Variants in TYW1 observed in about 807,000 individuals in gnomAD.
TYW1 encodes the protein S-adenosyl-L-methionine-dependent tRNA 4-demethylwyosine synthase TYW1.
In TYW1, 46 loss-of-function variants were observed where a neutral mutation model predicts 96.2. The ratio of observed to expected loss-of-function variants is 0.48; its 90% CI spans 0.38 to 0.61. The LOEUF is 0.61. TYW1 is among the 20% of genes least tolerant of loss of function. TYW1 has a pLI of 0.00. For synonymous variants in TYW1, 274 were observed against 323.0 expected (o/e 0.85, Z 1.63); for missense variants, 684 against 909.6 (o/e 0.75, Z 3.19).
At chr7:67,174,631 A>G (rs2860620) in intron 13 of TYW1, among the ~76,000 whole-genome samples, 115 of 152,242 alleles carry the variant, frequency 7.6e-4, no homozygotes, top group Non-Finnish European at 1.4e-3. Flanking sequence ...CAGAGCAGTA[A>G]ATTAAACATA....
intron 15 of TYW1, among the ~76,000 whole-genome samples, chr7:67,197,989 G>A (rs10264148): frequency 0.22 from 25,760 of 114,732 alleles, 2,985 homozygotes; most frequent in Middle Eastern, 0.31. Context: ...ACACGTGCAC[G>A]CATCGTCTTT....
At chr7:67,049,826 C>G in intron 7 of TYW1, 123 bp from the exon 8 acceptor site, 2 of 1,182,200 alleles carry the variant, frequency 1.7e-6, no homozygotes, top group Middle Eastern at 2.0e-4. Context: ...GGATTACAGG[C>G]GTGAGCCACC....
intron 13 of TYW1, among the ~76,000 whole-genome samples, chr7:67,135,174 G>A (rs981859302): frequency 6.7e-6 from 1 of 150,306 alleles, no homozygotes; most frequent in African/African-American, 2.5e-5. Flanking sequence ...GAGAGAGAGA[G>A]AGAGGAAGTT....
rs1228302566 is a variant in TYW1, at chr7:67,067,183, A to G, written c.1156-102A>G. On this transcript the variant is annotated intron_variant, in intron 9 of 15. Transcript: ENST00000359626. The stretch of plus-strand genomic sequence containing the variant: ...CATGCAGTTACCAGTAGGAGTATTC[A>G]TGGTTACGAAACACATGGTTTCTCT... The G allele has an allele frequency of 3.2e-5, 42 of 1,309,960 alleles. No homozygotes were observed. The East Asian group carries it at 3.7e-4, about 11-fold the overall frequency. The allele number at this position is 1,309,960 out of a possible 1,614,324, so 81.1% of individuals were successfully genotyped here. A position where few individuals can be genotyped will look rare whatever the true frequency, so the allele number is the denominator to read the frequency against.
intron 12 of TYW1, among the ~76,000 whole-genome samples, chr7:67,113,940 G>T (rs1377813579): frequency 6.6e-6 from 1 of 151,872 alleles, no homozygotes; most frequent in Non-Finnish European, 1.5e-5. Context: ...TGCCCGGCAT[G>T]ATGCTTATTC....
At chr7:67,066,980 A>G (rs568112934) in intron 9 of TYW1, among the ~76,000 whole-genome samples, 1 of 152,324 alleles carries the variant, frequency 6.6e-6, no homozygotes, top group South Asian at 2.1e-4. Flanking sequence ...TCCTAGCATT[A>G]TATATTATTG....
At chr7:67,203,144 TC>T (rs1800656243) in intron 15 of TYW1, among the ~76,000 whole-genome samples, 1 of 152,192 alleles carries the variant, frequency 6.6e-6, no homozygotes, top group Non-Finnish European at 1.5e-5. Context: ...ATACCAACTA[TC>T]CCTAGCCTCT....
chr7:67,108,547 T>C (rs948743792), intron 12 of TYW1, among the ~76,000 whole-genome samples: 1 of 151,632 alleles, frequency 6.6e-6, no homozygotes. Context: ...GTTCAAGTGA[T>C]TCTCCCACCT....
rs35830565 is a variant in TYW1, at chr7:67,125,391, A to AT, written c.1698+7784dup. Among the ~76,000 whole-genome samples, 159 of 147,264 alleles carry AT rather than the reference A, an allele frequency of 1.1e-3. 1 individual carries two copies. The highest frequency in any genetic ancestry group is 1.1e-3 in the Non-Finnish European group (71 of 66,550). ...GTATTGCATAAGGTAGGGGGTCTGG[A>AT]TTTTTTTTTTTAATGGACTTTATAT... On this transcript the variant is annotated intron_variant, in intron 13 of 15. Coordinates refer to ENST00000359626, the MANE Select transcript of TYW1 (RefSeq NM_018264.4).
At chr7:67,049,528 A>AT (rs1795293936) in intron 7 of TYW1, among the ~76,000 whole-genome samples, 1 of 151,772 alleles carries the variant, frequency 6.6e-6, no homozygotes, top group Admixed American at 6.6e-5. Flanking sequence ...CCTTTTTAAA[A>AT]ATTTTTTTTT....
At chr7:67,006,193 T>C (rs1353469125) in intron 3 of TYW1, among the ~76,000 whole-genome samples, 2 of 152,142 alleles carry the variant, frequency 1.3e-5, no homozygotes, top group Admixed American at 6.6e-5. Context: ...TCCCTTGTAC[T>C]GTCCTCGTGA....
chr7:67,069,308 A>T (rs1795963196), intron 10 of TYW1, among the ~76,000 whole-genome samples: 1 of 152,242 alleles, frequency 6.6e-6, no homozygotes, highest in Admixed American at 6.5e-5. Context: ...GCCCATAAAC[A>T]GCTCTGTCCC....
chr7:67,054,384 G>A (rs1254470413), intron 8 of TYW1, among the ~76,000 whole-genome samples: 1 of 152,212 alleles, frequency 6.6e-6, no homozygotes, highest in East Asian at 1.9e-4. Flanking sequence ...AGTATGAACA[G>A]TATAATATGG....
At chr7:67,122,431 C>A (rs1797786874) in intron 13 of TYW1, among the ~76,000 whole-genome samples, 1 of 152,058 alleles carries the variant, frequency 6.6e-6, no homozygotes, top group African/African-American at 2.4e-5. Flanking sequence ...TCACATTTGG[C>A]CTTATATCAG....
At chr7:67,043,217 T>A (rs1307670849) in intron 7 of TYW1, among the ~76,000 whole-genome samples, 2 of 152,156 alleles carry the variant, frequency 1.3e-5, no homozygotes, top group Non-Finnish European at 2.9e-5. Context: ...TCCTCTTGGC[T>A]GCTTCCCCAG....
intron 7 of TYW1, among the ~76,000 whole-genome samples, chr7:67,032,689 C>T (rs1794705976): frequency 6.6e-6 from 1 of 151,950 alleles, no homozygotes; most frequent in Non-Finnish European, 1.5e-5. Context: ...TTTGTGCTCA[C>T]TCTCCTAGTC....
At chr7:67,176,024 G>A (rs1454085943) in intron 13 of TYW1, among the ~76,000 whole-genome samples, 3 of 151,934 alleles carry the variant, frequency 2.0e-5, no homozygotes, top group Non-Finnish European at 2.9e-5. Flanking sequence ...GTAATTATTC[G>A]CTTTAATAAA....
Position 67,061,587 on chromosome 7 carries a change from T to C in TYW1, c.1156-5698T>C, listed in dbSNP as rs1461654285. 2.0e-5 allele frequency among the ~76,000 whole-genome samples: 3 copies of C among 152,336 alleles called. No individual in the cohort carries two copies. In the East Asian group the frequency reaches 5.8e-4, roughly 29 times the overall value. On this transcript the variant is annotated intron_variant, in intron 9 of 15. Transcript: ENST00000359626. The stretch of plus-strand genomic sequence containing the variant: ...TGACTCACTGGAAGTCTGGGAACTC[T>C]GGAAGCCAGGCATTCAATGCACATT...
At chr7:67,094,651 AGTGTGTGTGTGTGT>A (rs56069939) in intron 11 of TYW1, among the ~76,000 whole-genome samples, 14 of 141,716 alleles carry the variant, frequency 9.9e-5, no homozygotes, top group Non-Finnish European at 1.9e-4. Flanking sequence ...AGAGAATTAG[AGTGTGTGTGTGTGT>A]GTGTGTGTGT....
Sources: gnomAD v4.1 joint callset for allele counts (sites outside exome capture counted in the v4.1 genomes callset) on GRCh38, gnomAD v4.1.1 for gene constraint, MANE v1.5 for transcripts, NCBI Gene and HGNC (gene_info 2026-07-23, HGNC 2026-07-21) for gene names.